The following ZNF18 variants were observed in gnomAD, a reference collection of about 807,000 sequenced individuals.
ZNF18 encodes zinc finger protein 18, also known as heart development-specific gene 1 protein.
ZNF18 carries 42 observed loss-of-function variants against 58.1 expected under a neutral mutation model. The observed-to-expected ratio is 0.72, with a 90% CI of 0.56 to 0.93. ZNF18 has a LOEUF of 0.93. Ranked by LOEUF, ZNF18 falls within the 40% of genes least tolerant of loss-of-function variation. The pLI is 0.00. For synonymous variants in ZNF18, 231 were observed against 239.8 expected, an observed-to-expected ratio of 0.96 and a Z score of 0.34; for missense variants, 540 against 644.2, an observed-to-expected ratio of 0.84 and a Z score of 1.75.
At chr17:12,008,373 T>C in the ZNF18 span, among the ~76,000 whole-genome samples, 2 of 152,122 alleles carry the variant, frequency 1.3e-5, no homozygotes, top group Admixed American at 6.6e-5. Flanking sequence ...ACTATTATTA[T>C]TATTATTCAG....
At chr17:11,985,369 C>T (rs1413357065) in intron 4 of ZNF18, among the ~76,000 whole-genome samples, 3 of 152,176 alleles carry the variant, frequency 2.0e-5, no homozygotes, top group Non-Finnish European at 4.4e-5. Flanking sequence ...TAAGTCCCAA[C>T]GTTGCCACTT....
upstream of ZNF18, among the ~76,000 whole-genome samples, chr17:12,000,960 C>T (rs899033887): frequency 1.3e-5 from 2 of 152,022 alleles, no homozygotes; most frequent in African/African-American, 4.8e-5. Flanking sequence ...AAAGAAATAG[C>T]AAAATGAGAC....
chr17:11,978,400 T>C lies in ZNF18; in HGVS notation c.1207A>G (p.Met403Val), dbSNP rs1283735843. The C allele has an allele frequency of 5.8e-6, 9 of 1,546,474 alleles. No homozygotes were observed. The highest frequency in any genetic ancestry group is 7.8e-6 in the Non-Finnish European group (9 of 1,150,942). ...TSQKGQPRAP[M>V]AQKLPTCREC... ...CTGCAGGTGGGGAGCTTCTGGGCCA[T>C]GGGGGCTCTTGGCTGCCCCTTCTGG... Residue 403 changes from methionine to valine, a missense_variant, in exon 7 of 7, where the codon ATG becomes GTG. By Grantham distance (21) the Met-to-Val change is conservative. Transcript: ENST00000580306.
upstream of ZNF18, among the ~76,000 whole-genome samples, chr17:11,998,116 C>T (rs1968582314): frequency 6.6e-6 from 1 of 152,164 alleles, no homozygotes. Context: ...CCCTTTCCCA[C>T]ACGCCAACAA....
rs997297269 is a variant in ZNF18, at chr17:11,990,640, C to A, written c.578-90G>T. 2.1e-5 allele frequency: 22 copies of A among 1,029,374 alleles called. No individual in the cohort carries two copies. In the East Asian group the frequency reaches 5.1e-4, roughly 24 times the overall value. 63.8% of individuals were successfully genotyped at this position (1,029,374 alleles called of 1,614,324 possible). On this transcript the variant is annotated intron_variant, in intron 3 of 6. Coordinates refer to ENST00000580306, the MANE Select transcript of ZNF18 (RefSeq NM_001303281.2). Reference sequence around the variant, plus strand: ...AGATAACAATCTTCACAAATCAGAACAATACCTGAACAATACCTGTACTGC... The same window carrying A: ...AGATAACAATCTTCACAAATCAGAAAAATACCTGAACAATACCTGTACTGC...
At chr17:11,988,929 T>A (rs1419355572) in intron 4 of ZNF18, among the ~76,000 whole-genome samples, 1 of 151,872 alleles carries the variant, frequency 6.6e-6, no homozygotes, top group East Asian at 1.9e-4. Flanking sequence ...GAGACCCAGC[T>A]GGGTGGATCA....
At chr17:12,017,301 T>C in the ZNF18 span, among the ~76,000 whole-genome samples, 3 of 152,188 alleles carry the variant, frequency 2.0e-5, no homozygotes, top group Non-Finnish European at 4.4e-5. Flanking sequence ...GTATTTCCAA[T>C]TAAATTCAGT....
chr17:11,990,602 C>T (rs1668053589), intron 3 of ZNF18, 52 bp from the exon 4 acceptor site: 1 of 1,416,502 alleles, frequency 7.1e-7, no homozygotes, highest in Non-Finnish European at 9.8e-7. Context: ...CTTAACCACT[C>T]CCCAGAGGGC....
chr17:11,984,093 A>C lies in ZNF18; in HGVS notation c.751+20T>G, dbSNP rs1967558425. ...TCCAGTCCTTCTACCTCCTTCCATC[A>C]GACTAACCCACACCCTCACCTCCTG... On this transcript the variant is annotated intron_variant, in intron 5 of 6. Transcript: ENST00000580306. The C allele has an allele frequency of 6.2e-7, 1 of 1,601,190 alleles. No homozygotes were observed. The highest frequency in any genetic ancestry group is 1.1e-5 in the South Asian group (1 of 89,090).
chr17:11,991,202 C>T lies in ZNF18; in HGVS notation c.388-39G>A, dbSNP rs190761746. ...ATTAATTAGTAATTACTGAAGAATC[C>T]AGAGTAAGGATCTCTAAAAGACACA... On this transcript the variant is annotated intron_variant, in intron 2 of 6. Coordinates refer to ENST00000580306, the MANE Select transcript of ZNF18 (RefSeq NM_001303281.2). The T allele has an allele frequency of 7.7e-5, 120 of 1,548,396 alleles. No homozygotes were observed. In the African/African-American group the frequency reaches 9.1e-4, roughly 12 times the overall value.
upstream of ZNF18, among the ~76,000 whole-genome samples, chr17:11,998,822 C>CTTTTTTTTTTT (rs71142260): frequency 2.5e-3 from 273 of 108,478 alleles, no homozygotes; most frequent in Middle Eastern, 6.3e-3. Context: ...AGTTTCTAGT[C>CTTTTTTTTTTT]TTTTTTTTTT....
chr17:12,020,993 G>A, the ZNF18 span: 1 of 1,210,534 alleles, frequency 8.3e-7, no homozygotes, highest in Non-Finnish European at 1.0e-6. Flanking sequence ...GCCGTCAGCA[G>A]CATGCAGGGT....
At chr17:11,995,752 A>G (rs1400311531) in intron 1 of ZNF18, 1 of 152,128 alleles carries the variant, frequency 6.6e-6, no homozygotes, top group Admixed American at 6.6e-5. Context: ...GCTCTAATTG[A>G]CATTTTCAGA....
the ZNF18 span, among the ~76,000 whole-genome samples, chr17:12,002,903 T>C: frequency 6.6e-6 from 1 of 152,114 alleles, no homozygotes; most frequent in Non-Finnish European, 1.5e-5. Context: ...TGGAAATGGC[T>C]TACCACACGG....
chr17:11,984,008 C>T, intron 5 of ZNF18, 105 bp downstream of exon 5: 1 of 1,022,512 alleles, frequency 9.8e-7, no homozygotes, highest in East Asian at 2.6e-5. Flanking sequence ...ATTTCTTTCA[C>T]CTGGCGATTT....
upstream of ZNF18, among the ~76,000 whole-genome samples, chr17:12,000,074 C>T (rs1030601656): frequency 4.6e-5 from 7 of 152,100 alleles, no homozygotes; most frequent in African/African-American, 1.7e-4. Flanking sequence ...ATGCTTGCCA[C>T]CGTGCCCAGC....
chr17:11,987,578 T>C (rs377032082), intron 4 of ZNF18, among the ~76,000 whole-genome samples: 1 of 152,188 alleles, frequency 6.6e-6, no homozygotes, highest in Non-Finnish European at 1.5e-5. Context: ...CACACATATA[T>C]ATGTAAATAC....
upstream of ZNF18, among the ~76,000 whole-genome samples, chr17:12,002,011 T>TG (rs887116571): frequency 7.9e-5 from 12 of 151,720 alleles, no homozygotes; most frequent in African/African-American, 2.9e-4. Context: ...AAGAACCTTG[T>TG]GGGAAAAAAA....
Position 11,992,749 on chromosome 17 carries a change from A to G in ZNF18, c.81T>C (p.Asp27=). Residue 27 remains aspartate (D), a synonymous_variant, in exon 2 of 7, where the codon GAT becomes GAC. Coordinates refer to ENST00000580306, the MANE Select transcript of ZNF18 (RefSeq NM_001303281.2). ...KAEDSQFSES[D]AALQEELSSP... ...TGGAGAGTTCCTCTTGAAGGGCAGC[A>G]TCTGATTCTGAGAACTGGGAGTCCT... 2 of 1,614,244 alleles carry G rather than the reference A, an allele frequency of 1.2e-6. No individual in the cohort carries two copies. Among genetic ancestry groups the G allele is most frequent in the South Asian group, 1.1e-5 (1 of 91,086 alleles).
Sources: allele counts gnomAD v4.1 joint callset (sites outside exome capture counted in the v4.1 genomes callset), GRCh38; gene constraint gnomAD v4.1.1; transcripts MANE v1.5; gene names NCBI Gene and HGNC (gene_info 2026-07-23, HGNC 2026-07-21).